LIMK1: variants seen among roughly 807,000 people sequenced by gnomAD.
The protein encoded by LIMK1 is LIM domain kinase 1, also known as LIM motif-containing protein kinase.
A neutral mutation model predicts 77.6 loss-of-function variants in LIMK1; 21 were observed. The observed-to-expected ratio is 0.27, with a 90% CI of 0.19 to 0.39. LIMK1 has a LOEUF of 0.39. Among genes scored for constraint, LIMK1 ranks in the 10% least tolerant of loss-of-function variants. The pLI is 1.00. For synonymous variants in LIMK1, 358 were observed against 370.0 expected, an observed-to-expected ratio of 0.97 and a Z score of 0.37; for missense variants, 696 against 901.6, an observed-to-expected ratio of 0.77 and a Z score of 2.92.
At chr7:74,100,861 G>A (rs1195233046) in intron 5 of LIMK1, among the ~76,000 whole-genome samples, 4 of 151,496 alleles carry the variant, frequency 2.6e-5, no homozygotes, top group East Asian at 1.9e-4. Context: ...TCAGCCTCCC[G>A]AGTAGCTGGG....
chr7:74,118,776 C>T (rs1238178479), intron 13 of LIMK1, among the ~76,000 whole-genome samples: 1 of 152,010 alleles, frequency 6.6e-6, no homozygotes, highest in Non-Finnish European at 1.5e-5. Context: ...CTTAGTGTTT[C>T]CTATGTTTAG....
intron 2 of LIMK1, among the ~76,000 whole-genome samples, chr7:74,096,391 C>T (rs1390441374): frequency 6.6e-6 from 1 of 151,994 alleles, no homozygotes; most frequent in Non-Finnish European, 1.5e-5. Context: ...GTCCCAGCTA[C>T]TCAGGAGGCT....
Position 74,121,020 on chromosome 7 carries a change from G to A in LIMK1, c.1752G>A (p.Val584=), listed in dbSNP as rs1554700473. Residue 584 remains valine, a synonymous_variant, in exon 15 of 16, where the codon GTG becomes GTA. Coordinates refer to ENST00000336180, the MANE Select transcript of LIMK1 (RefSeq NM_002314.4). ...NCPPSFFPIT[V]RCCDLDPEKR... ...CCCCGAGCTTCTTCCCCATCACCGTGCGCTGTTGCGATCTGGACCCCGAGA... is the reference window on the plus strand; with the variant it reads ...CCCCGAGCTTCTTCCCCATCACCGTACGCTGTTGCGATCTGGACCCCGAGA... The A allele has an allele frequency of 1.2e-6, 2 of 1,604,916 alleles. No homozygotes were observed. The highest frequency in any genetic ancestry group is 8.5e-7 in the Non-Finnish European group (1 of 1,175,610).
At position 74,115,743 on chromosome 7, in the gene LIMK1, C is replaced by A. The variant is rs1441221263; in HGVS notation, c.1411-59C>A. The A allele has an allele frequency of 1.9e-6, 3 of 1,576,894 alleles. No individual in the cohort carries two copies. The African/African-American group carries it at 4.0e-5, about 21-fold the overall frequency. On this transcript the variant is annotated intron_variant, in intron 12 of 15. Coordinates refer to ENST00000336180, the MANE Select transcript of LIMK1 (RefSeq NM_002314.4). ...GTTGGCTTGGGGTCCTGGGGAGGGG[C>A]AGGCCAAGCGGGCAGTACTAGGATC... is the stretch of plus-strand genomic sequence containing the variant.
intron 5 of LIMK1, among the ~76,000 whole-genome samples, chr7:74,099,855 C>CA (rs1799420623): frequency 6.6e-6 from 1 of 151,972 alleles, no homozygotes; most frequent in Non-Finnish European, 1.5e-5. Flanking sequence ...CGCAGTAACT[C>CA]ACACCTGTAA....
In LIMK1 at chr7:74,096,745, C is replaced by T. The variant is rs1773495171; in HGVS notation, c.276C>T (p.Thr92=). 1 of 1,608,314 alleles carries T rather than the reference C, an allele frequency of 6.2e-7. No homozygotes were observed. Among genetic ancestry groups the T allele is most frequent in the African/African-American group, 1.3e-5 (1 of 74,838 alleles). Residue 92 remains threonine, a synonymous_variant, in exon 3 of 16, where the codon ACC becomes ACT. Coordinates refer to ENST00000336180, the MANE Select transcript of LIMK1 (RefSeq NM_002314.4). ...ESCHGCSEQI[T]KGLVMVAGEL... is the part of the protein sequence containing the mutation. ...GCCATGGGTGCTCTGAGCAAATCAC[C>T]AAGGGACTGGTTATGGTGAGCGCCC...
intron 12 of LIMK1, among the ~76,000 whole-genome samples, chr7:74,113,525 T>A (rs1799744614): frequency 6.6e-6 from 1 of 151,880 alleles, no homozygotes; most frequent in Non-Finnish European, 1.5e-5. Flanking sequence ...CTCGGGAGGC[T>A]GAGGCAGGAG....
intron 2 of LIMK1, chr7:74,093,346 C>T (rs1223876534): frequency 6.5e-7 from 1 of 1,534,552 alleles, no homozygotes; most frequent in Admixed American, 2.0e-5. Flanking sequence ...CCAGGCAGGG[C>T]CCCTGGTGTA....
chr7:74,085,655 G>C, intron 1 of LIMK1, 93 bp from the exon 2 acceptor site: 1 of 939,872 alleles, frequency 1.1e-6, no homozygotes, highest in South Asian at 1.4e-5. Flanking sequence ...GATTGGTGCA[G>C]GTGTAGGTAT....
intron 2 of LIMK1, among the ~76,000 whole-genome samples, chr7:74,091,123 G>A (rs1032386197): frequency 3.3e-5 from 5 of 151,956 alleles, no homozygotes; most frequent in Non-Finnish European, 4.4e-5. Context: ...ACGAGGTTTC[G>A]CTGTGTGAGC....
chr7:74,097,261 C>T (rs1020797676), intron 4 of LIMK1, 72 bp downstream of exon 4: 79 of 949,740 alleles, frequency 8.3e-5, no homozygotes, highest in Non-Finnish European at 1.1e-4. Context: ...TGCTGACTCT[C>T]CCACACCCGG....
Position 74,115,885 on chromosome 7 carries a change from CAAG to C in LIMK1, c.1498_1500del (p.Lys500del), listed in dbSNP as rs781906594. On this transcript the variant is annotated inframe_deletion, in exon 13 of 16. Coordinates refer to ENST00000336180, the MANE Select transcript of LIMK1 (RefSeq NM_002314.4). ...CTCAGCCTGAGGGCCTGCGGAGCCT[CAAG>C]AAGCCAGACCGCAAGAAGCGCTACA... 2.5e-5 allele frequency: 40 copies of C among 1,614,056 alleles called. No individual in the cohort carries two copies. Among genetic ancestry groups the C allele is most frequent in the Admixed American group, 8.3e-5 (5 of 59,990 alleles).
intron 12 of LIMK1, among the ~76,000 whole-genome samples, chr7:74,112,824 CAA>C (rs879979038): frequency 5.0e-5 from 7 of 140,146 alleles, no homozygotes; most frequent in Non-Finnish European, 9.4e-5. Flanking sequence ...GACTCCATCT[CAA>C]AAAAAAAAAG....
intron 12 of LIMK1, among the ~76,000 whole-genome samples, chr7:74,112,378 A>AG (rs1162748186): frequency 1.3e-5 from 2 of 152,064 alleles, no homozygotes; most frequent in African/African-American, 4.8e-5. Flanking sequence ...GGGGCCACAG[A>AG]GTGGGGGCAT....
At chr7:74,111,290 T>A in intron 10 of LIMK1, 1 of 239,764 alleles carries the variant, frequency 4.2e-6, no homozygotes, top group South Asian at 6.7e-5. Context: ...TACAAAAAAT[T>A]AGCTGGGTGT....
In LIMK1 at chr7:74,097,091, GCTGAAGTACCACCCC is replaced by G; in HGVS notation, c.304_318del (p.Leu102_Pro106del). ...CACCCCCGCACCAGGTGGCTGGGGA[GCTGAAGTACCACCCC>G]GAGTGTTTCATCTGCCTCACGTGTG... On this transcript the variant is annotated inframe_deletion, in exon 4 of 16. Coordinates refer to ENST00000336180, the MANE Select transcript of LIMK1 (RefSeq NM_002314.4). 6.2e-7 allele frequency: 1 copy of G among 1,612,708 alleles called. No homozygotes were observed. Among genetic ancestry groups the G allele is most frequent in the Non-Finnish European group, 8.5e-7 (1 of 1,179,254 alleles).
Position 74,107,071 on chromosome 7 carries a change from C to T in LIMK1, c.943C>T (p.Arg315Cys), listed in dbSNP as rs782394584. The T allele has an allele frequency of 5.0e-6, 8 of 1,608,060 alleles. No individual in the cohort carries two copies. The highest frequency in any genetic ancestry group is 1.1e-5 in the South Asian group (1 of 90,070). Residue 315 changes from arginine (R) to cysteine (C), a missense_variant, in exon 8 of 16, where the codon CGC becomes TGC. Physicochemically the swap from Arg to Cys is radical, Grantham distance 180 (BLOSUM62 -3). This residue lies in a region of LIMK1 where 438 missense variants were observed against 602.3 expected (regional missense o/e 0.73). Transcript: ENST00000336180. ...AGSLGSPASQ[R>C]KDLGRSESLR... ...CTCACTGGGCTCCCCGGCCTCCCAG[C>T]GCAAGGACCTGGGTCGCTCTGAGTC...
At chr7:74,100,524 G>A (rs1173387409) in intron 5 of LIMK1, among the ~76,000 whole-genome samples, 1 of 152,038 alleles carries the variant, frequency 6.6e-6, no homozygotes, top group Non-Finnish European at 1.5e-5. Flanking sequence ...CAAGGTTCAA[G>A]CAATTCTTGC....
intron 14 of LIMK1, 28 bp from the exon 15 acceptor site, chr7:74,120,864 A>C (rs782276334): frequency 1.2e-6 from 2 of 1,613,624 alleles, no homozygotes; most frequent in Non-Finnish European, 1.7e-6. Flanking sequence ...GGCCCCCTGG[A>C]GTAACTGCCG....
Sources: allele counts gnomAD v4.1 joint callset (sites outside exome capture counted in the v4.1 genomes callset), GRCh38; gene constraint gnomAD v4.1.1; regional missense constraint gnomAD v4.1.1; transcripts MANE v1.5; gene names NCBI Gene and HGNC (gene_info 2026-07-23, HGNC 2026-07-21).